The following FOXP1 variants were observed in gnomAD, a reference collection of about 807,000 sequenced individuals.
The protein encoded by FOXP1 is forkhead box protein P1.
Under a neutral mutation model 98.2 loss-of-function variants are expected in FOXP1, and 15 were observed. The observed-to-expected ratio is 0.15, with a 90% confidence interval of 0.10 to 0.24. FOXP1 has a LOEUF of 0.24. FOXP1 is among the 10% of genes least tolerant of loss of function. FOXP1 has a pLI of 1.00. For synonymous variants in FOXP1, 371 were observed against 314.5 expected (o/e 1.18, Z -1.90); for missense variants, 633 against 848.5 (o/e 0.75, Z 3.15).
chr3:71,474,710 C>A (rs2089667389), intron 3 of FOXP1, among the ~76,000 whole-genome samples: 1 of 151,990 alleles, frequency 6.6e-6, no homozygotes, highest in Non-Finnish European at 1.5e-5. Context: ...CTCCCATCAA[C>A]CCCAGATGGG....
intron 19 of FOXP1, chr3:70,966,266 A>AG (rs1394200295): frequency 5.1e-6 from 3 of 587,752 alleles, no homozygotes; most frequent in Non-Finnish European, 6.2e-6. Flanking sequence ...ACTGGGGGCC[A>AG]GGGGGGACCA....
chr3:70,972,015 C>CT, intron 18 of FOXP1: 1 of 1,429,930 alleles, frequency 7.0e-7, no homozygotes, highest in Non-Finnish European at 9.1e-7. Flanking sequence ...TCTTACTGTG[C>CT]GACAAGCTCG....
At chr3:71,028,148 T>C (rs1472225717) in intron 11 of FOXP1, among the ~76,000 whole-genome samples, 1 of 152,236 alleles carries the variant, frequency 6.6e-6, no homozygotes, top group Admixed American at 6.5e-5. Context: ...ATTGAAATTT[T>C]TTTTTTAAAT....
chr3:71,393,708 A>G (rs553580381), intron 3 of FOXP1, among the ~76,000 whole-genome samples: 1 of 152,364 alleles, frequency 6.6e-6, no homozygotes, highest in East Asian at 1.9e-4. Context: ...TCTTCCAGTA[A>G]TCTGAGATAA....
intron 4 of FOXP1, among the ~76,000 whole-genome samples, chr3:71,342,508 C>CTG (rs2077069915): frequency 6.6e-6 from 1 of 152,112 alleles, no homozygotes; most frequent in Non-Finnish European, 1.5e-5. Flanking sequence ...GCCTGACCAA[C>CTG]AAGGTGAAAC....
chr3:71,328,449 C>G (rs969716045), intron 4 of FOXP1, among the ~76,000 whole-genome samples: 3 of 152,074 alleles, frequency 2.0e-5, no homozygotes, highest in Non-Finnish European at 4.4e-5. Context: ...TGCTCCTTAC[C>G]ACACCTTTCA....
chr3:71,408,655 T>A (rs2082513178), intron 3 of FOXP1, among the ~76,000 whole-genome samples: 2 of 152,204 alleles, frequency 1.3e-5, no homozygotes, highest in South Asian at 4.1e-4. Context: ...TTGGTGGATG[T>A]TCTGCTCTGC....
At chr3:71,300,138 C>T (rs1314794226) in intron 4 of FOXP1, among the ~76,000 whole-genome samples, 2 of 152,160 alleles carry the variant, frequency 1.3e-5, no homozygotes, top group Non-Finnish European at 2.9e-5. Flanking sequence ...AACTTTTTCT[C>T]ATCTTGTTGT....
At chr3:71,431,232 C>T (rs775791862) in intron 3 of FOXP1, among the ~76,000 whole-genome samples, 6 of 152,036 alleles carry the variant, frequency 3.9e-5, no homozygotes, top group Non-Finnish European at 7.4e-5. Flanking sequence ...GTTCAGTGGC[C>T]GTTCTCTGGT....
At chr3:71,265,489 A>G (rs1230185462) in intron 5 of FOXP1, among the ~76,000 whole-genome samples, 1 of 152,220 alleles carries the variant, frequency 6.6e-6, no homozygotes, top group Non-Finnish European at 1.5e-5. Context: ...GCTCACCTCC[A>G]GGCCTGGAAA....
chr3:71,198,575 G>T (rs1243967477), intron 5 of FOXP1, among the ~76,000 whole-genome samples, 183 bp from the exon 6 acceptor site: 1 of 152,124 alleles, frequency 6.6e-6, no homozygotes, highest in Admixed American at 6.5e-5. Context: ...CTAGTTTCGG[G>T]TCTGAAACTG....
At chr3:71,022,842 A>C (rs146730061) in intron 11 of FOXP1, among the ~76,000 whole-genome samples, 1 of 152,178 alleles carries the variant, frequency 6.6e-6, no homozygotes. Context: ...ACAGGCACCA[A>C]TGGCACATCC....
chr3:71,155,617 T>A (rs1012047229), intron 6 of FOXP1, among the ~76,000 whole-genome samples: 1 of 152,146 alleles, frequency 6.6e-6, no homozygotes, highest in African/African-American at 2.4e-5. Context: ...CTGAAAGAAA[T>A]CATTAGTGTC....
At chr3:71,314,217 C>A (rs2074911246) in intron 4 of FOXP1, among the ~76,000 whole-genome samples, 1 of 152,276 alleles carries the variant, frequency 6.6e-6, no homozygotes, top group Middle Eastern at 3.4e-3. Flanking sequence ...CTCATTTCTA[C>A]CATCTCTACA....
intron 7 of FOXP1, among the ~76,000 whole-genome samples, chr3:71,105,578 T>C (rs1358081647): frequency 6.6e-6 from 1 of 152,180 alleles, no homozygotes; most frequent in Non-Finnish European, 1.5e-5. Flanking sequence ...AATTTACACA[T>C]TTTTGACCAG....
At chr3:71,021,399 A>ACT in intron 11 of FOXP1, among the ~76,000 whole-genome samples, 1 of 152,252 alleles carries the variant, frequency 6.6e-6, no homozygotes, top group Non-Finnish European at 1.5e-5. Flanking sequence ...GTAGCTGAAT[A>ACT]GTATTCCATT....
chr3:71,182,903 A>G, intron 6 of FOXP1, among the ~76,000 whole-genome samples: 1 of 151,814 alleles, frequency 6.6e-6, no homozygotes, highest in Non-Finnish European at 1.5e-5. Flanking sequence ...AAAACCATTG[A>G]CAGCATGTTG....
chr3:71,088,393 G>GTTTTGTTTTTTTTTTTTTTTT lies in FOXP1; in HGVS notation c.282+24142_282+24143insAAAAAAAAAAAAAAAACAAAA, dbSNP rs1553730902. 2.5e-5 allele frequency among the ~76,000 whole-genome samples: 3 copies of GTTTTGTTTTTTTTTTTTTTTT among 120,150 alleles called. 1 individual carries two copies. Among genetic ancestry groups the GTTTTGTTTTTTTTTTTTTTTT allele is most frequent in the Non-Finnish European group, 3.7e-5 (2 of 54,022 alleles). The allele number at this position is 120,150 out of a possible 152,430, so 78.8% of individuals were successfully genotyped here. ...ACAACATGTGGTGATACATTGTTTT[G>GTTTTGTTTTTTTTTTTTTTTT]TTTTTTGTTTTTTTTTTTTTGGCTT... On this transcript the variant is annotated intron_variant, in intron 7 of 20. Coordinates refer to ENST00000649528, the MANE Select transcript of FOXP1 (RefSeq NM_001349338.3).
At chr3:71,066,077 T>TA (rs2052451736) in intron 7 of FOXP1, among the ~76,000 whole-genome samples, 1 of 105,806 alleles carries the variant, frequency 9.5e-6, no homozygotes, top group Non-Finnish European at 1.8e-5. Context: ...CATCAATGAA[T>TA]GCCTATTTGC....
Sources: allele counts gnomAD v4.1 joint callset (sites outside exome capture counted in the v4.1 genomes callset), GRCh38; gene constraint gnomAD v4.1.1; transcripts MANE v1.5; gene names NCBI Gene and HGNC (gene_info 2026-07-23, HGNC 2026-07-21).